The following SMG6 variants were observed in gnomAD, a reference collection of about 807,000 sequenced individuals.
The protein encoded by SMG6 is telomerase-binding protein EST1A.
In SMG6, 66 loss-of-function variants were observed where a neutral mutation model predicts 142.2. The observed-to-expected ratio is 0.46, with a 90% CI of 0.38 to 0.57. SMG6 has a LOEUF of 0.57. Among genes scored for constraint, SMG6 ranks in the 20% least tolerant of loss-of-function variants. The pLI is 0.00. For synonymous variants in SMG6, 779 were observed against 702.4 expected (o/e 1.11, Z -1.72); for missense variants, 1,793 against 1,832.0 (o/e 0.98, Z 0.39).
chr17:2,208,621 A>T (rs2072759355), intron 10 of SMG6, among the ~76,000 whole-genome samples: 1 of 152,374 alleles, frequency 6.6e-6, no homozygotes, highest in South Asian at 2.1e-4. Context: ...ACAAGTAAGG[A>T]TCTGTGCTGG....
At chr17:2,096,043 A>C (rs1323030312) in intron 13 of SMG6, among the ~76,000 whole-genome samples, 1 of 152,078 alleles carries the variant, frequency 6.6e-6, no homozygotes, top group Non-Finnish European at 1.5e-5. Context: ...ATCGTCTTTT[A>C]AGCTTGGTAA....
chr17:2,133,353 G>A (rs2070187447), intron 13 of SMG6, among the ~76,000 whole-genome samples: 1 of 152,104 alleles, frequency 6.6e-6, no homozygotes, highest in Non-Finnish European at 1.5e-5. Flanking sequence ...GGGAGAGAGA[G>A]AACTTATGTT....
At chr17:2,108,409 G>A (rs1421880172) in intron 13 of SMG6, among the ~76,000 whole-genome samples, 1 of 152,186 alleles carries the variant, frequency 6.6e-6, no homozygotes, top group Non-Finnish European at 1.5e-5. Context: ...TTGAGGTCAG[G>A]TGTTCGAGAC....
intron 15 of SMG6, among the ~76,000 whole-genome samples, chr17:2,073,160 T>C (rs922917077): frequency 6.6e-6 from 1 of 152,050 alleles, no homozygotes; most frequent in Non-Finnish European, 1.5e-5. Flanking sequence ...CTCGGCTCAC[T>C]GCAATCTCTG....
intron 8 of SMG6, among the ~76,000 whole-genome samples, chr17:2,275,053 T>G (rs138587119): frequency 2.3e-4 from 34 of 150,352 alleles, no homozygotes; most frequent in African/African-American, 7.6e-4. Context: ...GGTAGAAACC[T>G]AATTATGTAG....
intron 13 of SMG6, among the ~76,000 whole-genome samples, chr17:2,127,256 G>C (rs567929015): frequency 1.3e-5 from 2 of 152,192 alleles, no homozygotes; most frequent in Admixed American, 6.6e-5. Flanking sequence ...GGGGGAATGA[G>C]GAGTTACTGT....
At chr17:2,126,703 G>A (rs534271075) in intron 13 of SMG6, among the ~76,000 whole-genome samples, 29 of 145,204 alleles carry the variant, frequency 2.0e-4, no homozygotes, top group Middle Eastern at 3.6e-3. Context: ...GCAACAGAGT[G>A]AGGCTCAGTT....
intron 8 of SMG6, among the ~76,000 whole-genome samples, chr17:2,277,615 T>G (rs1367343048): frequency 1.3e-5 from 2 of 152,224 alleles, no homozygotes; most frequent in Admixed American, 6.5e-5. Context: ...TGGTTTTTAT[T>G]GCATGATTTT....
chr17:2,110,245 C>G (rs2069274377), intron 13 of SMG6, among the ~76,000 whole-genome samples: 1 of 152,062 alleles, frequency 6.6e-6, no homozygotes, highest in Non-Finnish European at 1.5e-5. Flanking sequence ...GAAGCCAAAG[C>G]TGCTTAGTAA....
At position 2,065,171 on chromosome 17, in the gene SMG6, G is replaced by T. The variant is rs770527920; in HGVS notation, c.4048-17C>A. The T allele has an allele frequency of 1.9e-5, 31 of 1,602,598 alleles. No homozygotes were observed. In the South Asian group the frequency reaches 3.3e-4, roughly 17 times the overall value. On this transcript the variant is annotated splice_polypyrimidine_tract_variant and intron_variant, in intron 17 of 18. Coordinates refer to ENST00000263073, the MANE Select transcript of SMG6 (RefSeq NM_017575.5). ...GTTGTTACCCTGGAGGAAGACGTGTGTGAGAAGCACCACTGGGCAGAAGGG... is the reference window on the plus strand; with the variant it reads ...GTTGTTACCCTGGAGGAAGACGTGTTTGAGAAGCACCACTGGGCAGAAGGG...
Position 2,071,229 on chromosome 17 carries a change from G to A in SMG6, c.3682-2298C>T, listed in dbSNP as rs1245383142. 1.3e-5 allele frequency among the ~76,000 whole-genome samples: 2 copies of A among 152,060 alleles called. No individual in the cohort carries two copies. Among genetic ancestry groups the A allele is most frequent in the Non-Finnish European group, 2.9e-5 (2 of 68,016 alleles). Reference sequence around the variant, plus strand: ...TCCTGCCTTGAGAAACAACCGTCCAGCCTGGTCTGACTCTATCAAGGAAGT... The same window carrying A: ...TCCTGCCTTGAGAAACAACCGTCCAACCTGGTCTGACTCTATCAAGGAAGT... On this transcript the variant is annotated intron_variant, in intron 15 of 18. Coordinates refer to ENST00000263073, the MANE Select transcript of SMG6 (RefSeq NM_017575.5). The surrounding 1 kb of genome is among the most constrained non-coding windows in gnomAD (Gnocchi z 5.6).
At chr17:2,281,112 G>A (rs1414583389) in intron 8 of SMG6, among the ~76,000 whole-genome samples, 1 of 152,182 alleles carries the variant, frequency 6.6e-6, no homozygotes, top group Non-Finnish European at 1.5e-5. Context: ...AGGCTGCAGT[G>A]CAGTGGTGCA....
chr17:2,283,352 G>A (rs973354100), intron 7 of SMG6, among the ~76,000 whole-genome samples: 5 of 152,240 alleles, frequency 3.3e-5, no homozygotes, highest in South Asian at 2.1e-4. Context: ...TGTAGAGCAC[G>A]TACATGTACA....
chr17:2,119,161 A>G (rs1332912355), intron 13 of SMG6, among the ~76,000 whole-genome samples: 1 of 150,606 alleles, frequency 6.6e-6, no homozygotes, highest in Admixed American at 6.6e-5. Flanking sequence ...GGGTTCAAGC[A>G]ATTCTCCTGA....
chr17:2,278,698 G>C (rs979241573), intron 8 of SMG6, among the ~76,000 whole-genome samples: 11 of 151,950 alleles, frequency 7.2e-5, no homozygotes, highest in African/African-American at 2.7e-4. Flanking sequence ...AATGTTTGAC[G>C]TGACAGACAT....
chr17:2,180,971 C>T (rs546362893), intron 12 of SMG6, among the ~76,000 whole-genome samples: 2 of 152,284 alleles, frequency 1.3e-5, no homozygotes, highest in South Asian at 4.1e-4. Flanking sequence ...TTCCTGCTCC[C>T]TTGGGAGCAT....
chr17:2,114,169 C>G (rs945057814), intron 13 of SMG6, among the ~76,000 whole-genome samples: 4 of 152,102 alleles, frequency 2.6e-5, no homozygotes, highest in Non-Finnish European at 4.4e-5. Context: ...ACTTGGGAGG[C>G]TGAGGCAGGA....
chr17:2,299,160 TG>T lies in SMG6; in HGVS notation c.1592del (p.Pro531GlnfsTer34). 6.2e-7 allele frequency: 1 copy of T among 1,612,822 alleles called. No individual in the cohort carries two copies. Among genetic ancestry groups the T allele is most frequent in the Non-Finnish European group, 8.5e-7 (1 of 1,179,182 alleles). The part of the protein sequence containing the change: ...PYTGYNPLQY[P>X]VGPTNGVYPG... Reference sequence around the variant, plus strand: ...GGTACACACCATTCGTAGGGCCCACTGGGTACTGTAGAGGGTTATAGCCCGT... The same window carrying T: ...GGTACACACCATTCGTAGGGCCCACTGGTACTGTAGAGGGTTATAGCCCGT... On this transcript the variant is annotated frameshift_variant, in exon 2 of 19. Transcript: ENST00000263073. LOFTEE classifies it high-confidence loss of function. This position sits in a 1 kb window ranked among gnomAD's most constrained non-coding sequence, Gnocchi z 4.3.
chr17:2,111,663 T>TA (rs755018651), intron 13 of SMG6, among the ~76,000 whole-genome samples: 1 of 152,162 alleles, frequency 6.6e-6, no homozygotes, highest in Non-Finnish European at 1.5e-5. Flanking sequence ...CTTGGCCTCT[T>TA]AAAGTGCTGG....
Sources: gnomAD v4.1 joint callset for allele counts (sites outside exome capture counted in the v4.1 genomes callset) on GRCh38, gnomAD v4.1.1 for gene constraint, Gnocchi (gnomAD v3.1) non-coding constraint, MANE v1.5 for transcripts, NCBI Gene and HGNC (gene_info 2026-07-23, HGNC 2026-07-21) for gene names.